UTRN: variants seen among roughly 807,000 people sequenced by gnomAD.
UTRN encodes utrophin.
In UTRN, 283 loss-of-function variants were observed where a neutral mutation model predicts 463.9. That is an observed-to-expected ratio of 0.61 (90% confidence interval 0.55 to 0.67). The LOEUF is 0.67. UTRN is among the 30% of genes least tolerant of loss of function. The pLI is 0.00. For synonymous variants in UTRN, 1,442 were observed against 1,431.5 expected (o/e 1.01, Z -0.17); for missense variants, 3,922 against 4,084.3 (o/e 0.96, Z 1.08).
At chr6:144,542,686 G>T (rs890973624) in intron 45 of UTRN, 109 bp from the exon 46 acceptor site, 5 of 1,129,986 alleles carry the variant, frequency 4.4e-6, no homozygotes, top group Middle Eastern at 5.3e-4. Flanking sequence ...AGGTCGTTAG[G>T]GGAAGAAAAG....
intron 65 of UTRN, among the ~76,000 whole-genome samples, chr6:144,820,397 T>C (rs1425564375): frequency 1.3e-5 from 2 of 152,282 alleles, no homozygotes; most frequent in African/African-American, 4.8e-5. Flanking sequence ...TGTCTTACCT[T>C]TTTCCCCACT....
At chr6:144,492,486 G>A (rs1030432149) in intron 32 of UTRN, among the ~76,000 whole-genome samples, 3 of 152,210 alleles carry the variant, frequency 2.0e-5, no homozygotes, top group Non-Finnish European at 4.4e-5. Context: ...AAACACGGGA[G>A]TGCATGTGTC....
intron 1 of UTRN, among the ~76,000 whole-genome samples, chr6:144,289,647 C>T (rs1321624900): frequency 6.6e-6 from 1 of 151,488 alleles, no homozygotes; most frequent in African/African-American, 2.4e-5. Context: ...CAAGTTTTCC[C>T]ACTTACTTTA....
At chr6:144,839,354 G>C (rs1781366917) in intron 72 of UTRN, 70 bp downstream of exon 72, 1 of 1,308,944 alleles carries the variant, frequency 7.6e-7, no homozygotes, top group Non-Finnish European at 1.1e-6. Flanking sequence ...TGTGTTTCCT[G>C]TTAAGTAACA....
chr6:144,392,244 T>A (rs1306051635), intron 2 of UTRN, among the ~76,000 whole-genome samples: 1 of 152,242 alleles, frequency 6.6e-6, no homozygotes, highest in African/African-American at 2.4e-5. Flanking sequence ...CTTTTAAAAT[T>A]ATGTATGTGA....
chr6:144,760,621 G>A (rs1234706603), intron 58 of UTRN, among the ~76,000 whole-genome samples: 1 of 152,146 alleles, frequency 6.6e-6, no homozygotes, highest in Non-Finnish European at 1.5e-5. Flanking sequence ...GTATTTATGT[G>A]TGAAGAATTG....
intron 51 of UTRN, among the ~76,000 whole-genome samples, chr6:144,633,324 G>A (rs1026480675): frequency 3.3e-5 from 5 of 151,368 alleles, no homozygotes; most frequent in African/African-American, 9.7e-5. Flanking sequence ...CCGCCTCCCG[G>A]GTTCACGCCA....
chr6:144,533,361 A>C, intron 43 of UTRN, 101 bp downstream of exon 43: 1 of 1,494,868 alleles, frequency 6.7e-7, no homozygotes, highest in Non-Finnish European at 8.9e-7. Flanking sequence ...TTGACATTAT[A>C]ATAGGAATTT....
At chr6:144,683,069 C>T (rs1304838236) in intron 52 of UTRN, among the ~76,000 whole-genome samples, 1 of 152,130 alleles carries the variant, frequency 6.6e-6, no homozygotes, top group Non-Finnish European at 1.5e-5. Flanking sequence ...GGGCATTCAT[C>T]ATGTGGCCAA....
chr6:144,500,529 A>G (rs1012958586), intron 34 of UTRN, among the ~76,000 whole-genome samples: 2 of 152,190 alleles, frequency 1.3e-5, no homozygotes, highest in African/African-American at 4.8e-5. Context: ...TGGATCATCA[A>G]GGCCTTTATA....
intron 2 of UTRN, among the ~76,000 whole-genome samples, chr6:144,347,186 C>T (rs1302719493): frequency 6.6e-6 from 1 of 152,154 alleles, no homozygotes; most frequent in African/African-American, 2.4e-5. Context: ...TCAGCTGTTT[C>T]CTTTTTAGAT....
chr6:144,542,197 A>T (rs1320538935), intron 45 of UTRN, among the ~76,000 whole-genome samples: 1 of 152,218 alleles, frequency 6.6e-6, no homozygotes, highest in African/African-American at 2.4e-5. Flanking sequence ...GATGAGTTAG[A>T]ATCTTCAGAA....
chr6:144,743,420 C>G (rs1790324969), intron 54 of UTRN, among the ~76,000 whole-genome samples: 1 of 152,172 alleles, frequency 6.6e-6, no homozygotes, highest in African/African-American at 2.4e-5. Flanking sequence ...CATAAGCACT[C>G]AAAGGAAGAG....
chr6:144,693,257 A>G (rs1032120591), intron 52 of UTRN, among the ~76,000 whole-genome samples: 4 of 151,984 alleles, frequency 2.6e-5, no homozygotes, highest in Admixed American at 6.6e-5. Context: ...CTATGTGTCT[A>G]TTTTTATACC....
chr6:144,381,692 C>T (rs1357613937), intron 2 of UTRN, among the ~76,000 whole-genome samples: 1 of 152,234 alleles, frequency 6.6e-6, no homozygotes, highest in Non-Finnish European at 1.5e-5. Context: ...TGCACAAGCT[C>T]TCTCTTTGCC....
chr6:144,596,265 G>A (rs930466796), intron 51 of UTRN, among the ~76,000 whole-genome samples: 6 of 152,140 alleles, frequency 3.9e-5, no homozygotes, highest in Admixed American at 6.5e-5. Flanking sequence ...GTTAGGGTAC[G>A]GGGCAGCTTC....
At position 144,721,160 on chromosome 6, in the gene UTRN, A is replaced by G. The variant is rs1787107006; in HGVS notation, c.7810-9197A>G. Among the ~76,000 whole-genome samples the G allele has an allele frequency of 4.6e-5, 7 of 152,228 alleles. No homozygotes were observed. In the South Asian group the frequency reaches 1.5e-3, roughly 32 times the overall value. ...ATTTGGGATTATATCTCCTTCTACT[A>G]AACACCTCAGAGCATGCGACTTCTA... On this transcript the variant is annotated intron_variant, in intron 53 of 74. Coordinates refer to ENST00000367545, the MANE Select transcript of UTRN (RefSeq NM_007124.3).
At chr6:144,661,098 T>A (rs1779821234) in intron 51 of UTRN, among the ~76,000 whole-genome samples, 1 of 152,178 alleles carries the variant, frequency 6.6e-6, no homozygotes, top group Non-Finnish European at 1.5e-5. Context: ...ACTTGGTATG[T>A]AAGTCAATTA....
At chr6:144,568,085 C>T (rs1800582416) in intron 50 of UTRN, among the ~76,000 whole-genome samples, 1 of 152,058 alleles carries the variant, frequency 6.6e-6, no homozygotes, top group South Asian at 2.1e-4. Flanking sequence ...TAAGCGTTTA[C>T]ATTTAAAAAA....
Sources: gnomAD v4.1 joint callset for allele counts (sites outside exome capture counted in the v4.1 genomes callset) on GRCh38, gnomAD v4.1.1 for gene constraint, MANE v1.5 for transcripts, NCBI Gene and HGNC (gene_info 2026-07-23, HGNC 2026-07-21) for gene names.